The following TBC1D5 variants were observed in gnomAD, a reference collection of about 807,000 sequenced individuals.
The protein encoded by TBC1D5 is TBC1 domain family member 5, also known as TBC1 domain family, member 5.
In TBC1D5, 75 loss-of-function variants were observed where a neutral mutation model predicts 100.3. That is an observed-to-expected ratio of 0.75 (90% CI 0.62 to 0.91). The LOEUF is 0.91. Among genes scored for constraint, TBC1D5 ranks in the 40% least tolerant of loss-of-function variants. TBC1D5 has a pLI of 0.00. For synonymous variants in TBC1D5, 323 were observed against 325.6 expected (o/e 0.99, Z 0.09); for missense variants, 910 against 942.4 (o/e 0.97, Z 0.45).
At chr3:17,636,375 C>G (rs549319815) in intron 1 of TBC1D5, among the ~76,000 whole-genome samples, 175 of 152,266 alleles carry the variant, frequency 1.1e-3, no homozygotes, top group African/African-American at 3.4e-3. Flanking sequence ...GGTTAAATAA[C>G]TTGCCCATGG....
chr3:17,736,021 C>T (rs530722862), intron 1 of TBC1D5, among the ~76,000 whole-genome samples: 1 of 152,180 alleles, frequency 6.6e-6, no homozygotes, highest in African/African-American at 2.4e-5. Flanking sequence ...AGGCAATATA[C>T]GATTTGACTA....
upstream of TBC1D5, among the ~76,000 whole-genome samples, chr3:17,742,080 T>A (rs1158944764): frequency 3.3e-5 from 5 of 152,272 alleles, no homozygotes; most frequent in Non-Finnish European, 7.4e-5. Context: ...GCCCTGCCTT[T>A]ACTGCAGTTG....
At chr3:17,598,608 G>C (rs1281543626) in intron 2 of TBC1D5, among the ~76,000 whole-genome samples, 1 of 151,932 alleles carries the variant, frequency 6.6e-6, no homozygotes, top group African/African-American at 2.4e-5. Context: ...ACTGCAAAAA[G>C]AAAAACTCAA....
At chr3:17,282,363 T>C (rs1477451535) in intron 15 of TBC1D5, among the ~76,000 whole-genome samples, 6 of 152,224 alleles carry the variant, frequency 3.9e-5, no homozygotes, top group African/African-American at 1.4e-4. Context: ...TGTTAAGTAG[T>C]CTATTTAAAA....
intron 2 of TBC1D5, among the ~76,000 whole-genome samples, chr3:17,537,642 A>G (rs1396795596): frequency 2.0e-5 from 3 of 152,226 alleles, no homozygotes; most frequent in Admixed American, 2.0e-4. Context: ...ATAATCACAT[A>G]TAAGTGGAAT....
chr3:17,597,437 T>C (rs1391000328), intron 2 of TBC1D5, among the ~76,000 whole-genome samples: 1 of 152,204 alleles, frequency 6.6e-6, no homozygotes, highest in East Asian at 1.9e-4. Context: ...AAGCTGGGAT[T>C]TGAACCCAAG....
intron 4 of TBC1D5, among the ~76,000 whole-genome samples, chr3:17,409,989 A>C (rs1017082495): frequency 6.6e-6 from 1 of 152,194 alleles, no homozygotes; most frequent in Non-Finnish European, 1.5e-5. Context: ...TATTCAATGT[A>C]GACATAACAA....
At chr3:17,379,769 T>C (rs548126312) in intron 9 of TBC1D5, among the ~76,000 whole-genome samples, 1 of 152,176 alleles carries the variant, frequency 6.6e-6, no homozygotes, top group South Asian at 2.1e-4. Context: ...ATTAAAATTA[T>C]GATTTAAATT....
intron 1 of TBC1D5, among the ~76,000 whole-genome samples, chr3:17,660,236 A>G (rs1242493114): frequency 1.1e-4 from 17 of 152,364 alleles, no homozygotes; most frequent in Non-Finnish European, 2.4e-4. Context: ...TAAAAATGCA[A>G]AAAGAGAAAG....
intron 3 of TBC1D5, among the ~76,000 whole-genome samples, chr3:17,489,335 C>A (rs970106727): frequency 3.3e-5 from 5 of 152,066 alleles, no homozygotes; most frequent in South Asian, 2.1e-4. Flanking sequence ...AATCTGGTAG[C>A]CTGACCTCAG....
At position 17,704,672 on chromosome 3, in the gene TBC1D5, G is replaced by C. The variant is rs1174738319; in HGVS notation, c.-101+34671C>G. Among the ~76,000 whole-genome samples the C allele has an allele frequency of 1.1e-3, 75 of 68,588 alleles. 14 individuals are homozygous for C. Among genetic ancestry groups the C allele is most frequent in the Non-Finnish European group, 1.4e-3 (48 of 33,302 alleles). 45.0% of individuals were successfully genotyped at this position (68,588 alleles called of 152,430 possible). A position where few individuals can be genotyped will look rare whatever the true frequency, so the allele number is the denominator to read the frequency against. The stretch of plus-strand genomic sequence containing the variant: ...GGGCCGACCCCCCCACCTCCCTCCC[G>C]GACGGGGCGGCTGGCCGGGCGGGGG... On this transcript the variant is annotated intron_variant, in intron 1 of 21. Transcript: ENST00000253692.
chr3:17,271,037 G>A (rs1408084174), intron 15 of TBC1D5, among the ~76,000 whole-genome samples: 1 of 152,146 alleles, frequency 6.6e-6, no homozygotes, highest in East Asian at 1.9e-4. Flanking sequence ...ATAGTTTGAA[G>A]TCAGGTAATG....
chr3:17,288,319 A>G (rs1559557093), intron 15 of TBC1D5, among the ~76,000 whole-genome samples: 1 of 152,132 alleles, frequency 6.6e-6, no homozygotes, highest in Non-Finnish European at 1.5e-5. Flanking sequence ...GTTCATTGTA[A>G]TGGTGGCAGA....
intron 2 of TBC1D5, among the ~76,000 whole-genome samples, chr3:17,539,828 C>T (rs549188314): frequency 6.6e-6 from 1 of 152,050 alleles, no homozygotes; most frequent in African/African-American, 2.4e-5. Flanking sequence ...TCTTTAAGAC[C>T]CTGTTTTCAA....
At chr3:17,670,778 G>C (rs1219639769) in intron 1 of TBC1D5, among the ~76,000 whole-genome samples, 1 of 152,192 alleles carries the variant, frequency 6.6e-6, no homozygotes, top group African/African-American at 2.4e-5. Flanking sequence ...CCATGTCAGG[G>C]AAATCCTTTC....
chr3:17,348,471 G>T (rs1302457326), intron 13 of TBC1D5, among the ~76,000 whole-genome samples: 1 of 152,120 alleles, frequency 6.6e-6, no homozygotes, highest in East Asian at 1.9e-4. Context: ...GCTGGTCCTC[G>T]CACTACACTC....
In TBC1D5 at chr3:17,699,820, A is replaced by C. The variant is rs577406730; in HGVS notation, c.-101+39523T>G. 2.2e-4 allele frequency among the ~76,000 whole-genome samples: 34 copies of C among 152,024 alleles called. 1 individual carries two copies. In the South Asian group the frequency reaches 7.1e-3, roughly 32 times the overall value. The stretch of plus-strand genomic sequence containing the variant: ...AGGAGTACTGTGTCAAGGGAAAAAA[A>C]AAAAAAAGAAAGAAAGTTTTCTCAT... On this transcript the variant is annotated intron_variant, in intron 1 of 21. Transcript: ENST00000253692.
chr3:17,630,936 C>T (rs1480771636), intron 1 of TBC1D5, among the ~76,000 whole-genome samples: 7 of 148,322 alleles, frequency 4.7e-5, no homozygotes, highest in East Asian at 2.0e-4. Flanking sequence ...CCCAGCTACT[C>T]GGGAGGATGA....
intron 1 of TBC1D5, among the ~76,000 whole-genome samples, chr3:17,679,478 A>G (rs997855222): frequency 6.6e-6 from 1 of 151,514 alleles, no homozygotes; most frequent in Non-Finnish European, 1.5e-5. Context: ...AATCCTTGTT[A>G]ATTGATAAAA....
Sources: allele counts gnomAD v4.1 joint callset (sites outside exome capture counted in the v4.1 genomes callset), GRCh38; gene constraint gnomAD v4.1.1; transcripts MANE v1.5; gene names NCBI Gene and HGNC (gene_info 2026-07-23, HGNC 2026-07-21).